The following PTH2R variants were observed in gnomAD, a reference collection of about 807,000 sequenced individuals.
PTH2R encodes the protein PTH2 receptor.
In PTH2R, 59 loss-of-function variants were observed where a neutral mutation model predicts 60.3. The ratio of observed to expected loss-of-function variants is 0.98; its 90% CI spans 0.79 to 1.22. The LOEUF is 1.22. PTH2R is among the 50% of genes most tolerant of loss of function. The pLI, the probability that PTH2R is intolerant of heterozygous loss-of-function variation, is 0.00. For synonymous variants in PTH2R, 256 were observed against 243.8 expected, an observed-to-expected ratio of 1.05 and a Z score of -0.47; for missense variants, 749 against 682.6, an observed-to-expected ratio of 1.10 and a Z score of -1.08.
intron 11 of PTH2R, among the ~76,000 whole-genome samples, chr2:208,489,982 A>G (rs1164849448): frequency 1.3e-5 from 2 of 152,200 alleles, no homozygotes; most frequent in African/African-American, 2.4e-5. Flanking sequence ...ACACTTGAGT[A>G]TCACTCTCAG....
Position 208,437,898 on chromosome 2 carries a change from A to G in PTH2R, c.411+17A>G, listed in dbSNP as rs868632973. On this transcript the variant is annotated intron_variant, in intron 4 of 12. Coordinates refer to ENST00000272847, the MANE Select transcript of PTH2R (RefSeq NM_005048.4). Reference sequence around the variant, plus strand: ...ATAGGAAAGGTAATGGAATTTCTCTATTTGTGAATTCCTAAGGGAAAGCAG... The same window carrying G: ...ATAGGAAAGGTAATGGAATTTCTCTGTTTGTGAATTCCTAAGGGAAAGCAG... 1.2e-6 allele frequency: 2 copies of G among 1,604,430 alleles called. No homozygotes were observed. The highest frequency in any genetic ancestry group is 8.5e-7 in the Non-Finnish European group (1 of 1,172,378).
chr2:208,417,368 G>T (rs931747754), intron 1 of PTH2R, among the ~76,000 whole-genome samples: 1 of 151,952 alleles, frequency 6.6e-6, no homozygotes, highest in Non-Finnish European at 1.5e-5. Flanking sequence ...TTGTAACTGG[G>T]GTGTAGCTAG....
chr2:208,474,415 C>A (rs999967978), intron 9 of PTH2R, among the ~76,000 whole-genome samples: 1 of 152,102 alleles, frequency 6.6e-6, no homozygotes, highest in African/African-American at 2.4e-5. Flanking sequence ...GAGACAACAC[C>A]AAACTCTGTC....
intron 1 of PTH2R, among the ~76,000 whole-genome samples, chr2:208,426,784 A>T (rs1038204748): frequency 6.6e-6 from 1 of 152,150 alleles, no homozygotes; most frequent in African/African-American, 2.4e-5. Context: ...CTTCCCCAGC[A>T]ATGTGGAACT....
chr2:208,369,197 G>T (rs1700647513), intron 1 of PTH2R, among the ~76,000 whole-genome samples: 1 of 151,956 alleles, frequency 6.6e-6, no homozygotes, highest in Admixed American at 6.5e-5. Context: ...TCTCTGCCAG[G>T]TGTTTCACAA....
chr2:208,463,298 ATGCCTGCCATACTG>A (rs1466065071), intron 9 of PTH2R, among the ~76,000 whole-genome samples: 3 of 151,894 alleles, frequency 2.0e-5, no homozygotes, highest in Non-Finnish European at 4.4e-5. Context: ...GCTGTTCTGT[ATGCCTGCCATACTG>A]TTCCCCCTGC....
In PTH2R at chr2:208,385,622, C is replaced by T. The variant is rs141583164; in HGVS notation, c.-259+25385C>T. On this transcript the variant is annotated intron_variant, in intron 1 of 12. Transcript: ENST00000617735. ...ATGCTGCAATTCTATCCTGGACTGT[C>T]ATCTTTTTTGTAGTGGTCCATTCTC... Among the ~76,000 whole-genome samples the T allele has an allele frequency of 1.1e-4, 17 of 152,298 alleles. No homozygotes were observed. In the East Asian group the frequency reaches 3.3e-3, roughly 29 times the overall value.
chr2:208,372,133 G>A (rs1249893766), intron 1 of PTH2R, among the ~76,000 whole-genome samples: 1 of 152,086 alleles, frequency 6.6e-6, no homozygotes, highest in Non-Finnish European at 1.5e-5. Flanking sequence ...ATGTTGGCCA[G>A]ACTAGTCTCG....
At chr2:208,379,309 T>C (rs142907848) in intron 1 of PTH2R, among the ~76,000 whole-genome samples, 4 of 152,264 alleles carry the variant, frequency 2.6e-5, no homozygotes, top group Non-Finnish European at 4.4e-5. Flanking sequence ...TCAGGGTAAA[T>C]GTACATTTAC....
chr2:208,472,772 G>A (rs1357224723), intron 9 of PTH2R, among the ~76,000 whole-genome samples: 3 of 152,106 alleles, frequency 2.0e-5, no homozygotes, highest in Non-Finnish European at 2.9e-5. Context: ...ATCATCTGAT[G>A]AATAAATGTT....
chr2:208,432,278 G>T (rs1701988639), intron 2 of PTH2R, among the ~76,000 whole-genome samples: 1 of 152,180 alleles, frequency 6.6e-6, no homozygotes. Context: ...TAAAAAGTAT[G>T]AATAAGTTTC....
intron 10 of PTH2R, 30 bp downstream of exon 10, chr2:208,481,194 A>AACC: frequency 6.9e-7 from 1 of 1,458,650 alleles, no homozygotes; most frequent in Non-Finnish European, 9.5e-7. Context: ...CCATCAGAGG[A>AACC]AATATTTTGG....
Position 208,443,382 on chromosome 2 carries a change from C to CTATATGAAAG in PTH2R, c.544_545insTATATGAAAG (p.His182LeufsTer40), listed in dbSNP as rs750619262. ...TTGCACTAGGAACTATATCCACATG[C>CTATATGAAAG]ACTTATTTGTGTCTTTCATGCTGAG... On this transcript the variant is annotated frameshift_variant, in exon 6 of 13. Transcript: ENST00000272847. LOFTEE classifies it high-confidence loss of function. 6.2e-7 allele frequency: 1 copy of CTATATGAAAG among 1,607,082 alleles called. No individual in the cohort carries two copies. The highest frequency in any genetic ancestry group is 2.2e-5 in the East Asian group (1 of 44,554).
intron 9 of PTH2R, among the ~76,000 whole-genome samples, chr2:208,476,355 A>G (rs559786425): frequency 6.6e-6 from 1 of 152,326 alleles, no homozygotes; most frequent in Non-Finnish European, 1.5e-5. Flanking sequence ...CCCCCAGAGA[A>G]AAATCTCCCC....
intron 10 of PTH2R, among the ~76,000 whole-genome samples, chr2:208,487,682 A>G (rs573274964): frequency 6.6e-6 from 1 of 152,170 alleles, no homozygotes; most frequent in Admixed American, 6.5e-5. Context: ...AGGATCTCTT[A>G]CCAGGCTGCA....
intron 1 of PTH2R, among the ~76,000 whole-genome samples, chr2:208,371,546 C>T (rs893840245): frequency 3.9e-5 from 6 of 152,080 alleles, no homozygotes; most frequent in South Asian, 2.1e-4. Flanking sequence ...TCAACTAATT[C>T]GCAGGCCCTA....
chr2:208,389,445 G>A (rs1461749726), intron 1 of PTH2R, among the ~76,000 whole-genome samples: 1 of 152,172 alleles, frequency 6.6e-6, no homozygotes, highest in Non-Finnish European at 1.5e-5. Context: ...CACCATAGCA[G>A]CTTATTAACT....
chr2:208,397,658 C>T (rs1313537143), intron 1 of PTH2R, among the ~76,000 whole-genome samples: 1 of 152,188 alleles, frequency 6.6e-6, no homozygotes, highest in Non-Finnish European at 1.5e-5. Flanking sequence ...GAGGCGGTGT[C>T]TTACTGGCAT....
intron 1 of PTH2R, among the ~76,000 whole-genome samples, chr2:208,394,777 G>A (rs1044771766): frequency 3.9e-5 from 6 of 152,182 alleles, no homozygotes; most frequent in East Asian, 3.9e-4. Flanking sequence ...AATGGTTCCC[G>A]TTAACTTCTG....
Sources: allele counts gnomAD v4.1 joint callset (sites outside exome capture counted in the v4.1 genomes callset), GRCh38; gene constraint gnomAD v4.1.1; transcripts MANE v1.5; gene names NCBI Gene and HGNC (gene_info 2026-07-23, HGNC 2026-07-21).